The following KDM1A variants were observed in gnomAD, a reference collection of about 807,000 sequenced individuals.
KDM1A encodes lysine demethylase 1A.
KDM1A carries 49 observed loss-of-function variants against 109.4 expected under a neutral mutation model. The observed-to-expected ratio is 0.45, with a 90% CI of 0.36 to 0.57. The LOEUF is 0.57. Ranked by LOEUF, KDM1A falls within the 20% of genes least tolerant of loss-of-function variation. The pLI, the probability that KDM1A is intolerant of heterozygous loss-of-function variation, is 0.00. For synonymous variants in KDM1A, 380 were observed against 415.4 expected (o/e 0.91, Z 1.04); for missense variants, 668 against 1,116.6 (o/e 0.60, Z 5.73).
At position 23,041,061 on chromosome 1, in the gene KDM1A, A is replaced by C. The variant is rs141652412; in HGVS notation, c.518-3366A>C. ...GGAAAGACCCAAAGAGCAGATGAAT[A>C]AGGGATTTTATATATATCATAATCA... is the stretch of plus-strand genomic sequence containing the variant. On this transcript the variant is annotated intron_variant, in intron 2 of 20. Coordinates refer to ENST00000400181, the MANE Select transcript of KDM1A (RefSeq NM_001009999.3). 1.4e-3 allele frequency among the ~76,000 whole-genome samples: 212 copies of C among 152,320 alleles called. 1 individual carries two copies. The highest frequency in any genetic ancestry group is 5.0e-3 in the African/African-American group (206 of 41,570).
chr1:23,055,186 AAATT>A, intron 6 of KDM1A, 25 bp downstream of exon 6: 1 of 1,431,426 alleles, frequency 7.0e-7, no homozygotes. Context: ...CCTGGCTGAT[AAATT>A]TTACATTTTT....
At chr1:23,081,980 C>A in intron 19 of KDM1A, 1 of 499,310 alleles carries the variant, frequency 2.0e-6, no homozygotes, top group Non-Finnish European at 3.6e-6. Flanking sequence ...AAAGGCCAAG[C>A]CCTGTGTAGA....
chr1:23,074,239 T>C (rs1026678959), intron 15 of KDM1A, among the ~76,000 whole-genome samples: 5 of 152,244 alleles, frequency 3.3e-5, no homozygotes, highest in Admixed American at 2.0e-4. Context: ...TCATATGTCA[T>C]CTTTGAGTAA....
chr1:23,077,377 CA>C lies in KDM1A; in HGVS notation c.1867+21del, dbSNP rs769827670. 2 of 1,606,512 alleles carry C rather than the reference CA, an allele frequency of 1.2e-6. No homozygotes were observed. Among genetic ancestry groups the C allele is most frequent in the African/African-American group, 2.7e-5 (2 of 74,862 alleles). ...CGGCTTCAGGTATGTCACTGCTTTA[CA>C]AAAGGTAAGAGAGAACTCTCCTGAA... On this transcript the variant is annotated intron_variant, in intron 16 of 20. Transcript: ENST00000400181.
chr1:23,029,701 G>T (rs1641918451), intron 1 of KDM1A, among the ~76,000 whole-genome samples: 1 of 152,046 alleles, frequency 6.6e-6, no homozygotes, highest in Non-Finnish European at 1.5e-5. Context: ...GTGCAGTGGT[G>T]CGATCTTGGC....
At position 23,053,682 on chromosome 1, in the gene KDM1A, A is replaced by G. The variant is rs1642739238; in HGVS notation, c.712-79A>G. 3.1e-6 allele frequency: 3 copies of G among 970,028 alleles called. No individual in the cohort carries two copies. In the East Asian group the frequency reaches 7.7e-5, roughly 25 times the overall value. The allele number at this position is 970,028 out of a possible 1,614,324, so 60.1% of individuals were successfully genotyped here. A position where few individuals can be genotyped will look rare whatever the true frequency, so the allele number is the denominator to read the frequency against. ...ATTATAGGTGTGAGCCACTGCAGCC[A>G]GCTAAAAGATGATTTTAAAGATAGT... On this transcript the variant is annotated intron_variant, in intron 4 of 20. Coordinates refer to ENST00000400181, the MANE Select transcript of KDM1A (RefSeq NM_001009999.3).
rs534893724 is a variant in KDM1A at position 23,050,869 on chromosome 1, GAGGTTA to G, written c.711+353_711+358del. ...GGAGGCCAAGGCAGGTGGATCACCT[GAGGTTA>G]AGGGTTCGAGACCACCCTGGCCAAC... On this transcript the variant is annotated intron_variant, in intron 4 of 20. Coordinates refer to ENST00000400181, the MANE Select transcript of KDM1A (RefSeq NM_001009999.3). Among the ~76,000 whole-genome samples the G allele has an allele frequency of 4.3e-3, 651 of 152,236 alleles. 3 individuals carry two copies. Among genetic ancestry groups the G allele is most frequent in the South Asian group, 0.019 (92 of 4,828 alleles).
At chr1:23,058,436 C>G (rs1301717920) in intron 8 of KDM1A, among the ~76,000 whole-genome samples, 1 of 152,138 alleles carries the variant, frequency 6.6e-6, no homozygotes, top group East Asian at 1.9e-4. Flanking sequence ...CTAATTTATG[C>G]TTGTAATTAC....
At chr1:23,039,996 T>C (rs1296759538) in intron 2 of KDM1A, among the ~76,000 whole-genome samples, 1 of 152,378 alleles carries the variant, frequency 6.6e-6, no homozygotes, top group East Asian at 1.9e-4. Flanking sequence ...ATATTCCAAG[T>C]TGGCTTTAAC....
chr1:23,038,705 A>G (rs1276984023), intron 2 of KDM1A, among the ~76,000 whole-genome samples: 1 of 152,090 alleles, frequency 6.6e-6, no homozygotes, highest in East Asian at 1.9e-4. Context: ...CCTTGCTACT[A>G]CCCAGTGGAA....
intron 1 of KDM1A, among the ~76,000 whole-genome samples, chr1:23,026,543 A>G (rs1641811068): frequency 6.6e-6 from 1 of 151,570 alleles, no homozygotes. Flanking sequence ...GATGTGCACC[A>G]CCACCCACAG....
intron 1 of KDM1A, among the ~76,000 whole-genome samples, chr1:23,026,910 C>CTTAGGGATGAGAGAGTCCCAATCCT (rs1324923456): frequency 6.6e-6 from 1 of 152,116 alleles, no homozygotes; most frequent in Non-Finnish European, 1.5e-5. Context: ...GGGGTTTTTA[C>CTTAGGGATGAGAGAGTCCCAATCCT]TTAGGGATGA....
chr1:23,062,465 T>G (rs1209975405), intron 9 of KDM1A, among the ~76,000 whole-genome samples: 1 of 152,236 alleles, frequency 6.6e-6, no homozygotes, highest in Non-Finnish European at 1.5e-5. Flanking sequence ...GTTCTGTTGT[T>G]AGTATGTAGA....
chr1:23,039,431 G>T (rs914202382), intron 2 of KDM1A, among the ~76,000 whole-genome samples: 11 of 152,058 alleles, frequency 7.2e-5, no homozygotes, highest in African/African-American at 2.7e-4. Context: ...CCTTTATCTA[G>T]GTTTTCCCTC....
intron 18 of KDM1A, among the ~76,000 whole-genome samples, chr1:23,080,481 C>T (rs1373182634): frequency 6.6e-6 from 1 of 152,224 alleles, no homozygotes; most frequent in Non-Finnish European, 1.5e-5. Context: ...ATAGCTACTA[C>T]TGCTATTCCT....
At position 23,055,053 on chromosome 1, in the gene KDM1A, T is replaced by C; in HGVS notation, c.791-16T>C. On this transcript the variant is annotated splice_polypyrimidine_tract_variant and intron_variant, in intron 5 of 20. Coordinates refer to ENST00000400181, the MANE Select transcript of KDM1A (RefSeq NM_001009999.3). ...GCTGAAAATAAAACCGTGTTTTTAA[T>C]CCACTTATTCTGTAGGTGATACTGT... The C allele has an allele frequency of 6.6e-7, 1 of 1,516,390 alleles. No homozygotes were observed. The highest frequency in any genetic ancestry group is 9.0e-7 in the Non-Finnish European group (1 of 1,106,894). The allele number at this position is 1,516,390 out of a possible 1,614,324, so 93.9% of individuals were successfully genotyped here.
chr1:23,054,837 G>A (rs976859845), intron 5 of KDM1A, among the ~76,000 whole-genome samples: 1 of 151,902 alleles, frequency 6.6e-6, no homozygotes, highest in Non-Finnish European at 1.5e-5. Context: ...TGTTTCCCAG[G>A]CTGGTCTTGA....
intron 15 of KDM1A, among the ~76,000 whole-genome samples, chr1:23,076,730 AG>A: frequency 6.6e-6 from 1 of 152,184 alleles, no homozygotes; most frequent in East Asian, 1.9e-4. Context: ...CCAGCACTTT[AG>A]GAGGCTGAGG....
chr1:23,065,810 C>G (rs1643145592), intron 9 of KDM1A, among the ~76,000 whole-genome samples: 1 of 151,836 alleles, frequency 6.6e-6, no homozygotes, highest in Admixed American at 6.6e-5. Flanking sequence ...CTGACACTTC[C>G]CCCTCACTCC....
Sources: gnomAD v4.1 joint callset for allele counts (sites outside exome capture counted in the v4.1 genomes callset) on GRCh38, gnomAD v4.1.1 for gene constraint, MANE v1.5 for transcripts, NCBI Gene and HGNC (gene_info 2026-07-23, HGNC 2026-07-21) for gene names.